Variants in UGT1A7 observed in about 807,000 individuals in gnomAD.
UGT1A7 encodes the protein UDP glucuronosyltransferase family 1 member A7.
A neutral mutation model predicts 45.6 loss-of-function variants in UGT1A7; 33 were observed. That is an observed-to-expected ratio of 0.72 (90% confidence interval 0.55 to 0.97). The LOEUF is 0.97. Among genes scored for constraint, UGT1A7 ranks in the 50% least tolerant of loss-of-function variants. UGT1A7 has a pLI of 0.00. For synonymous variants in UGT1A7, 274 were observed against 250.6 expected (o/e 1.09, Z -0.88); for missense variants, 684 against 666.2 (o/e 1.03, Z -0.29).
At chr2:233,742,595 T>C (rs1692031315) in intron 1 of UGT1A7, among the ~76,000 whole-genome samples, 1 of 151,868 alleles carries the variant, frequency 6.6e-6, no homozygotes, top group African/African-American at 2.4e-5. Flanking sequence ...CCCAGCAACC[T>C]ACCATAGTTG....
intron 1 of UGT1A7, among the ~76,000 whole-genome samples, chr2:233,757,287 C>A (rs1434964623): frequency 1.2e-4 from 14 of 112,536 alleles, no homozygotes; most frequent in Non-Finnish European, 2.2e-4. Context: ...TCAGAAGGGA[C>A]AGCTGGGGGT....
rs963894028 is a variant in UGT1A7 at position 233,682,891 on chromosome 2, T to C, written c.855+99T>C. The stretch of plus-strand genomic sequence containing the variant: ...ATTTATCATTTACATTTGTCCCATT[T>C]GGAATTTCTTTCTGGTTTAAGGAAT... On this transcript the variant is annotated intron_variant, in intron 1 of 4. Coordinates refer to ENST00000373426, the MANE Select transcript of UGT1A7 (RefSeq NM_019077.3). 6.6e-6 allele frequency: 10 copies of C among 1,508,600 alleles called. No individual in the cohort carries two copies. The African/African-American group carries it at 1.1e-4, about 17-fold the overall frequency. The allele number at this position is 1,508,600 out of a possible 1,614,324, so 93.5% of individuals were successfully genotyped here. A position where few individuals can be genotyped will look rare whatever the true frequency, so the allele number is the denominator to read the frequency against.
In UGT1A7 at chr2:233,717,706, G is replaced by C. The variant is rs578061394; in HGVS notation, c.855+34914G>C. On this transcript the variant is annotated intron_variant, in intron 1 of 4. Transcript: ENST00000373426. The stretch of plus-strand genomic sequence containing the variant: ...TAGGAGTGACTTTCTGGAGCAGGAC[G>C]AGCCTCATGGGCATGAGACCATTGT... The C allele has an allele frequency of 8.4e-4, 379 of 451,272 alleles. 6 individuals carry two copies. The highest frequency in any genetic ancestry group is 5.8e-3 in the South Asian group (371 of 64,162). 28.0% of individuals were successfully genotyped at this position (451,272 alleles called of 1,614,324 possible). A position where few individuals can be genotyped will look rare whatever the true frequency, so the allele number is the denominator to read the frequency against.
At chr2:233,723,986 G>A (rs1415108440) in intron 1 of UGT1A7, among the ~76,000 whole-genome samples, 7 of 57,878 alleles carry the variant, frequency 1.2e-4, no homozygotes, top group African/African-American at 7.1e-4. Context: ...CACCTTTCCC[G>A]CCTTTCTATT....
At chr2:233,744,264 T>C (rs1692755909) in intron 1 of UGT1A7, among the ~76,000 whole-genome samples, 2 of 151,788 alleles carry the variant, frequency 1.3e-5, no homozygotes, top group Admixed American at 1.3e-4. Flanking sequence ...CTGTTTTTCT[T>C]AAAGTAGGCT....
In UGT1A7 at chr2:233,738,655, C is replaced by T. The variant is rs542122703; in HGVS notation, c.856-28379C>T. Among the ~76,000 whole-genome samples, 17 of 152,092 alleles carry T rather than the reference C, an allele frequency of 1.1e-4. No homozygotes were observed. The East Asian group carries it at 1.4e-3, about 12-fold the overall frequency. On this transcript the variant is annotated intron_variant, in intron 1 of 4. Coordinates refer to ENST00000373426, the MANE Select transcript of UGT1A7 (RefSeq NM_019077.3). Reference sequence around the variant, plus strand: ...CCTGCCCTAGAGCTCTTTGGAACTACGAACTTGAGAGAGATGATCTGAAAT... The same window carrying T: ...CCTGCCCTAGAGCTCTTTGGAACTATGAACTTGAGAGAGATGATCTGAAAT...
At chr2:233,732,357 TC>T (rs2078264075) in intron 1 of UGT1A7, among the ~76,000 whole-genome samples, 1 of 152,282 alleles carries the variant, frequency 6.6e-6, no homozygotes, top group South Asian at 2.1e-4. Flanking sequence ...AGTCATGAAG[TC>T]CTGGCCCATG....
chr2:233,756,958 C>A (rs1696367405), intron 1 of UGT1A7, among the ~76,000 whole-genome samples: 1 of 151,964 alleles, frequency 6.6e-6, no homozygotes, highest in Non-Finnish European at 1.5e-5. Context: ...GGACTTGGCA[C>A]TTGGTAAGCA....
In UGT1A7 at chr2:233,743,160, T is replaced by C. The variant is rs191127881; in HGVS notation, c.856-23874T>C. On this transcript the variant is annotated intron_variant, in intron 1 of 4. Coordinates refer to ENST00000373426, the MANE Select transcript of UGT1A7 (RefSeq NM_019077.3). ...AAAAAAAGTCCGCTATTCCTCCAGA[T>C]GTGCTTAAAGTCAAATGTGGACTGG... The C allele has an allele frequency of 3.8e-4, 139 of 361,394 alleles. 1 individual carries two copies. Among genetic ancestry groups the C allele is most frequent in the Middle Eastern group, 7.9e-4 (2 of 2,540 alleles). 22.4% of individuals were successfully genotyped at this position (361,394 alleles called of 1,614,324 possible). A position where few individuals can be genotyped will look rare whatever the true frequency, so the allele number is the denominator to read the frequency against.
At chr2:233,703,519 A>G (rs1315690951) in intron 1 of UGT1A7, among the ~76,000 whole-genome samples, 1 of 151,980 alleles carries the variant, frequency 6.6e-6, no homozygotes, top group Non-Finnish European at 1.5e-5. Context: ...GTGGAGTGAC[A>G]CTTATCATTA....
intron 1 of UGT1A7, among the ~76,000 whole-genome samples, chr2:233,696,285 A>T (rs554364174): frequency 1.9e-4 from 29 of 152,324 alleles, no homozygotes; most frequent in Admixed American, 1.7e-3. Flanking sequence ...AAAACGTAGG[A>T]CTGTAATATC....
chr2:233,771,639 T>G (rs1180975336), intron 4 of UGT1A7: 1 of 152,344 alleles, frequency 6.6e-6, no homozygotes, highest in African/African-American at 2.4e-5. Flanking sequence ...TTTATTTTAC[T>G]GTATGAAAAT....
Position 233,748,513 on chromosome 2 carries a change from T to C in UGT1A7, c.856-18521T>C, listed in dbSNP as rs527780891. Among the ~76,000 whole-genome samples the C allele has an allele frequency of 5.3e-5, 8 of 151,912 alleles. No homozygotes were observed. The South Asian group carries it at 1.7e-3, about 31-fold the overall frequency. The stretch of plus-strand genomic sequence containing the variant: ...TGTGATAATTTTTAGTGGTCCTGTC[T>C]TGCGAATGATAGAGAGGTGACCACA... On this transcript the variant is annotated intron_variant, in intron 1 of 4. Transcript: ENST00000373426.
chr2:233,769,088 T>C lies in UGT1A7; in HGVS notation c.1295+649T>C, dbSNP rs1699789125. 2.0e-5 allele frequency among the ~76,000 whole-genome samples: 3 copies of C among 152,168 alleles called. No homozygotes were observed. Among genetic ancestry groups the C allele is most frequent in the African/African-American group, 7.2e-5 (3 of 41,420 alleles). The stretch of plus-strand genomic sequence containing the variant: ...AAGAAATACTCCATTATAAGAAGCA[T>C]AGTATCTTTAAGAGAAAAACAACTC... On this transcript the variant is annotated intron_variant, in intron 4 of 4. Coordinates refer to ENST00000373426, the MANE Select transcript of UGT1A7 (RefSeq NM_019077.3). This position sits in a 1 kb window ranked among gnomAD's most constrained non-coding sequence, Gnocchi z 4.4.
At chr2:233,684,726 TAGAAA>T (rs2074696062) in intron 1 of UGT1A7, among the ~76,000 whole-genome samples, 1 of 151,954 alleles carries the variant, frequency 6.6e-6, no homozygotes, top group East Asian at 1.9e-4. Flanking sequence ...TATTTATAAA[TAGAAA>T]ATAAATATAA....
chr2:233,745,894 T>A (rs1160883177), intron 1 of UGT1A7, among the ~76,000 whole-genome samples: 2 of 150,898 alleles, frequency 1.3e-5, no homozygotes, highest in Non-Finnish European at 1.5e-5. Context: ...TGGGGTGGCG[T>A]TTTTCAGGGA....
At position 233,734,763 on chromosome 2, in the gene UGT1A7, C is replaced by T. The variant is rs776391017; in HGVS notation, c.856-32271C>T. Among the ~76,000 whole-genome samples, 117 of 152,240 alleles carry T rather than the reference C, an allele frequency of 7.7e-4. 1 individual carries two copies. The highest frequency in any genetic ancestry group is 1.4e-3 in the Non-Finnish European group (94 of 68,010). On this transcript the variant is annotated intron_variant, in intron 1 of 4. Transcript: ENST00000373426. ...AACATCTTTATTTCTGCCTTCACTT[C>T]GTTATTTACCCAGTAGTCATTCAGG...
intron 1 of UGT1A7, among the ~76,000 whole-genome samples, chr2:233,749,653 G>T (rs1694241075): frequency 1.3e-5 from 2 of 151,820 alleles, no homozygotes; most frequent in Admixed American, 6.5e-5. Context: ...ATCTTGAATT[G>T]TAATCCCCAT....
chr2:233,733,678 C>G (rs2078428487), intron 1 of UGT1A7, among the ~76,000 whole-genome samples: 1 of 152,188 alleles, frequency 6.6e-6, no homozygotes, highest in Non-Finnish European at 1.5e-5. Flanking sequence ...TGTGGATAAA[C>G]TTTTTGATGT....
Sources: allele counts gnomAD v4.1 joint callset (sites outside exome capture counted in the v4.1 genomes callset), GRCh38; gene constraint gnomAD v4.1.1; non-coding constraint Gnocchi (gnomAD v3.1); transcripts MANE v1.5; gene names NCBI Gene and HGNC (gene_info 2026-07-23, HGNC 2026-07-21).